Variants in ME1 observed in about 807,000 individuals in gnomAD.
ME1 encodes malic enzyme 1.
A neutral mutation model predicts 66.4 loss-of-function variants in ME1; 74 were observed. The ratio of observed to expected loss-of-function variants is 1.11; its 90% CI spans 0.92 to 1.35. ME1 has a LOEUF of 1.35. ME1 is among the 40% of genes most tolerant of loss of function. The probability of loss-of-function intolerance (pLI) is 0.00; values close to 1 mark genes in which losing one functional copy is unlikely to be tolerated. For synonymous variants in ME1, 251 were observed against 235.6 expected (o/e 1.07, Z -0.60); for missense variants, 750 against 694.1 (o/e 1.08, Z -0.90).
chr6:83,342,523 G>C (rs576800974), intron 5 of ME1, among the ~76,000 whole-genome samples: 103 of 152,278 alleles, frequency 6.8e-4, no homozygotes, highest in African/African-American at 2.3e-3. Flanking sequence ...CCTAGGCTTT[G>C]CTTAGGCTTT....
At position 83,430,925 on chromosome 6, in the gene ME1, G is replaced by A; in HGVS notation, c.30C>T (p.His10=). The change falls in exon 1 of 14, where the codon CAC becomes CAT. Residue 10 remains histidine (H), a synonymous_variant. Coordinates refer to ENST00000369705, the MANE Select transcript of ME1 (RefSeq NM_002395.6). Reference sequence around the variant, plus strand: ...TCAGCAGGTAGCCGCGCTGATGGGTGTGGCGGCGACGGGGGGCTTCGGGCT... The same window carrying A: ...TCAGCAGGTAGCCGCGCTGATGGGTATGGCGGCGACGGGGGGCTTCGGGCT... MEPEAPRRR[H]THQRGYLLTR... 4 of 1,595,550 alleles carry A rather than the reference G, an allele frequency of 2.5e-6. No individual in the cohort carries two copies. The highest frequency in any genetic ancestry group is 1.7e-6 in the Non-Finnish European group (2 of 1,172,002).
chr6:83,346,384 G>T, intron 4 of ME1, 50 bp from the exon 5 acceptor site: 5 of 1,353,840 alleles, frequency 3.7e-6, no homozygotes, highest in Non-Finnish European at 4.0e-6. Context: ...CAAATCCTGA[G>T]ACACAATTTC....
At chr6:83,318,097 A>G (rs1185967801) in intron 5 of ME1, among the ~76,000 whole-genome samples, 1 of 151,870 alleles carries the variant, frequency 6.6e-6, no homozygotes, top group Non-Finnish European at 1.5e-5. Flanking sequence ...CTGGCTAGCC[A>G]TATGTAGAAA....
intron 7 of ME1, among the ~76,000 whole-genome samples, chr6:83,242,177 T>C (rs1423842921): frequency 6.6e-6 from 1 of 152,168 alleles, no homozygotes; most frequent in African/African-American, 2.4e-5. Context: ...GTACTATCAG[T>C]TTTAAAGAGG....
chr6:83,214,346 T>G (rs2128522239), intron 13 of ME1, among the ~76,000 whole-genome samples: 1 of 152,340 alleles, frequency 6.6e-6, no homozygotes, highest in African/African-American at 2.4e-5. Context: ...TATATTTTAT[T>G]GCTTTCCTAA....
At chr6:83,354,480 A>G (rs1293274218) in intron 3 of ME1, among the ~76,000 whole-genome samples, 1 of 152,112 alleles carries the variant, frequency 6.6e-6, no homozygotes, top group African/African-American at 2.4e-5. Flanking sequence ...TCAAACTTCT[A>G]TCATCACTCT....
chr6:83,398,588 A>G, intron 2 of ME1, 72 bp from the exon 3 acceptor site: 1 of 772,566 alleles, frequency 1.3e-6, no homozygotes, highest in Non-Finnish European at 2.1e-6. Context: ...ATCTAATTAA[A>G]TATTTTCAAC....
At chr6:83,418,915 T>C (rs1250744670) in intron 1 of ME1, among the ~76,000 whole-genome samples, 1 of 151,854 alleles carries the variant, frequency 6.6e-6, no homozygotes, top group African/African-American at 2.4e-5. Context: ...CTAGAAAGAG[T>C]AGCAGTTGAC....
chr6:83,233,829 T>G (rs529189010), intron 9 of ME1, among the ~76,000 whole-genome samples: 2 of 152,116 alleles, frequency 1.3e-5, no homozygotes, highest in East Asian at 3.9e-4. Context: ...GGGATTACAC[T>G]AATTTACTGG....
chr6:83,355,139 G>A (rs6923627), intron 3 of ME1, among the ~76,000 whole-genome samples: 48,674 of 151,956 alleles, frequency 0.32, 8,170 homozygotes, highest in Middle Eastern at 0.5. Context: ...ATAGTCCAAT[G>A]TGAGCCTATA....
chr6:83,295,609 A>C (rs1379720502), intron 6 of ME1, among the ~76,000 whole-genome samples: 1 of 152,152 alleles, frequency 6.6e-6, no homozygotes, highest in Non-Finnish European at 1.5e-5. Flanking sequence ...TCCTGGGTTC[A>C]AGCAATTCTC....
chr6:83,326,551 A>G (rs1365295714), intron 5 of ME1, among the ~76,000 whole-genome samples: 1 of 152,006 alleles, frequency 6.6e-6, no homozygotes, highest in Non-Finnish European at 1.5e-5. Flanking sequence ...AAAAACCAAA[A>G]CACTCCATCA....
chr6:83,313,246 T>C (rs533075015), intron 6 of ME1, among the ~76,000 whole-genome samples: 2 of 152,226 alleles, frequency 1.3e-5, no homozygotes, highest in Admixed American at 6.5e-5. Context: ...AACAATGTTA[T>C]GACAGAAAGT....
intron 3 of ME1, among the ~76,000 whole-genome samples, chr6:83,394,373 G>C (rs1769689342): frequency 6.6e-6 from 1 of 151,974 alleles, no homozygotes; most frequent in Non-Finnish European, 1.5e-5. Context: ...ACACTGATTT[G>C]ATCTTTACAA....
chr6:83,271,511 T>C lies in ME1; in HGVS notation c.705-17773A>G, dbSNP rs766076657. Among the ~76,000 whole-genome samples the C allele has an allele frequency of 2.6e-5, 4 of 152,350 alleles. 1 individual carries two copies. Among genetic ancestry groups the C allele is most frequent in the Admixed American group, 2.6e-4 (4 of 15,306 alleles). On this transcript the variant is annotated intron_variant, in intron 6 of 13. Coordinates refer to ENST00000369705, the MANE Select transcript of ME1 (RefSeq NM_002395.6). Reference sequence around the variant, plus strand: ...TTCTCATATGAACCTATATTAGTCATTGATATGATTAGTCTTTCTCATATC... The same window carrying C: ...TTCTCATATGAACCTATATTAGTCACTGATATGATTAGTCTTTCTCATATC...
intron 3 of ME1, among the ~76,000 whole-genome samples, chr6:83,373,684 C>G (rs574761720): frequency 3.0e-4 from 46 of 152,188 alleles, no homozygotes; most frequent in African/African-American, 9.9e-4. Flanking sequence ...ATGTGTGCCA[C>G]GGTGGCTTGC....
At chr6:83,333,749 T>A (rs1251415708) in intron 5 of ME1, among the ~76,000 whole-genome samples, 1 of 152,200 alleles carries the variant, frequency 6.6e-6, no homozygotes, top group Non-Finnish European at 1.5e-5. Flanking sequence ...ATACAGTTGA[T>A]ATGTGTAGCC....
intron 3 of ME1, among the ~76,000 whole-genome samples, chr6:83,369,595 C>A (rs572743726): frequency 6.6e-6 from 1 of 151,558 alleles, no homozygotes; most frequent in East Asian, 1.9e-4. Context: ...CACTGCACTC[C>A]AGCCTGGGCA....
At chr6:83,264,211 T>A (rs1383209525) in intron 6 of ME1, among the ~76,000 whole-genome samples, 1 of 152,194 alleles carries the variant, frequency 6.6e-6, no homozygotes, top group Non-Finnish European at 1.5e-5. Context: ...ACATATCTGT[T>A]TACAGCATGG....
Sources: gnomAD v4.1 joint callset for allele counts (sites outside exome capture counted in the v4.1 genomes callset) on GRCh38, gnomAD v4.1.1 for gene constraint, MANE v1.5 for transcripts, NCBI Gene and HGNC (gene_info 2026-07-23, HGNC 2026-07-21) for gene names.